Variants in HACD2 observed in about 807,000 individuals in gnomAD.
HACD2 encodes the protein very-long-chain (3R)-3-hydroxyacyl-CoA dehydratase 2.
In HACD2, 15 loss-of-function variants were observed where a neutral mutation model predicts 31.0. The ratio of observed to expected loss-of-function variants is 0.48; its 90% CI spans 0.32 to 0.75. HACD2 has a LOEUF of 0.75. Ranked by LOEUF, HACD2 falls within the 30% of genes least tolerant of loss-of-function variation. The pLI, the probability that HACD2 is intolerant of heterozygous loss-of-function variation, is 0.03. For missense variants in HACD2, 283 were observed against 313.0 expected, an observed-to-expected ratio of 0.90 and a Z score of 0.72; for synonymous variants, 115 against 122.2, an observed-to-expected ratio of 0.94 and a Z score of 0.39.
In HACD2 at chr3:123,563,638, TATATATACACAC is replaced by T. The variant is rs1335331533; in HGVS notation, c.292+4112_292+4123del. Among the ~76,000 whole-genome samples the T allele has an allele frequency of 2.7e-3, 207 of 76,702 alleles. 1 individual carries two copies. In the South Asian group the frequency reaches 0.033, roughly 12 times the overall value. The allele number at this position is 76,702 out of a possible 152,430, so 50.3% of individuals were successfully genotyped here. On this transcript the variant is annotated intron_variant, in intron 3 of 6. Transcript: ENST00000383657. ...CTTCTTTTTTGAATTGACAAAAAAA[TATATATACACAC>T]ACACACACACACACACACACACACA... is the stretch of plus-strand genomic sequence containing the variant.
intron 4 of HACD2, among the ~76,000 whole-genome samples, chr3:123,506,714 T>A (rs2055980093): frequency 6.6e-6 from 1 of 152,100 alleles, no homozygotes; most frequent in Non-Finnish European, 1.5e-5. Flanking sequence ...GGATTACAAG[T>A]GTGAGCCACT....
intron 3 of HACD2, among the ~76,000 whole-genome samples, chr3:123,565,295 TG>T (rs1401319659): frequency 1.3e-5 from 2 of 152,226 alleles, no homozygotes; most frequent in Non-Finnish European, 2.9e-5. Context: ...TACACATGCT[TG>T]GTGCTGTACC....
At chr3:123,576,934 C>T (rs2056913705) in intron 2 of HACD2, among the ~76,000 whole-genome samples, 2 of 152,166 alleles carry the variant, frequency 1.3e-5, no homozygotes, top group Non-Finnish European at 2.9e-5. Flanking sequence ...GTGAGGTCTG[C>T]AGAGTGAGAC....
At chr3:123,549,382 GGC>G in intron 3 of HACD2, among the ~76,000 whole-genome samples, 1 of 152,064 alleles carries the variant, frequency 6.6e-6, no homozygotes, top group African/African-American at 2.4e-5. Context: ...CACTTCTCAA[GGC>G]TACAGTGTGA....
intron 2 of HACD2, among the ~76,000 whole-genome samples, chr3:123,577,091 T>C (rs1204862812): frequency 6.6e-6 from 1 of 152,060 alleles, no homozygotes; most frequent in African/African-American, 2.4e-5. Flanking sequence ...TTCATTTTTG[T>C]AGATAAGGGG....
chr3:123,524,675 G>GT (rs2056257071), intron 4 of HACD2, among the ~76,000 whole-genome samples: 1 of 152,120 alleles, frequency 6.6e-6, no homozygotes, highest in Non-Finnish European at 1.5e-5. Flanking sequence ...AGGTTTTCTT[G>GT]TTTTTTGTTT....
chr3:123,495,029 A>T, intron 6 of HACD2, 59 bp from the exon 7 acceptor site: 1 of 1,053,440 alleles, frequency 9.5e-7, no homozygotes, highest in Admixed American at 2.1e-5. Context: ...TGCTCTATTT[A>T]AAGCATATGA....
chr3:123,539,339 G>A (rs543255171), intron 3 of HACD2, among the ~76,000 whole-genome samples: 2 of 152,276 alleles, frequency 1.3e-5, no homozygotes, highest in East Asian at 3.9e-4. Flanking sequence ...GGAGGCCGAG[G>A]TGGGCAGATC....
intron 3 of HACD2, among the ~76,000 whole-genome samples, chr3:123,531,913 C>T (rs993365633): frequency 7.9e-5 from 12 of 152,216 alleles, no homozygotes; most frequent in Middle Eastern, 3.4e-3. Flanking sequence ...TTACAAATAA[C>T]ACTCAAAATT....
At chr3:123,546,462 A>C (rs930762543) in intron 3 of HACD2, among the ~76,000 whole-genome samples, 5 of 152,218 alleles carry the variant, frequency 3.3e-5, no homozygotes, top group African/African-American at 1.2e-4. Context: ...AACTTGAGGA[A>C]GCCACCTAGC....
At chr3:123,499,580 A>T in intron 6 of HACD2, 1 of 451,768 alleles carries the variant, frequency 2.2e-6, no homozygotes. Flanking sequence ...TCGCTTTGTT[A>T]GGGTGATTCA....
At chr3:123,550,686 G>A (rs151225676) in intron 3 of HACD2, among the ~76,000 whole-genome samples, 1 of 152,258 alleles carries the variant, frequency 6.6e-6, no homozygotes, top group East Asian at 1.9e-4. Context: ...ATGATGAGGT[G>A]GCTTCTGCAC....
At chr3:123,578,560 G>A (rs571037050) in intron 2 of HACD2, among the ~76,000 whole-genome samples, 1 of 152,232 alleles carries the variant, frequency 6.6e-6, no homozygotes, top group East Asian at 1.9e-4. Flanking sequence ...TGTGAGCCAT[G>A]GTACTCAGCC....
At chr3:123,564,694 G>C (rs962738418) in intron 3 of HACD2, among the ~76,000 whole-genome samples, 1 of 152,178 alleles carries the variant, frequency 6.6e-6, no homozygotes, top group African/African-American at 2.4e-5. Context: ...AAGGGACGGA[G>C]AACAGTTATA....
At chr3:123,569,297 A>G (rs760702569) in intron 2 of HACD2, among the ~76,000 whole-genome samples, 6 of 152,206 alleles carry the variant, frequency 3.9e-5, no homozygotes, top group Non-Finnish European at 5.9e-5. Context: ...ACAGATCTAG[A>G]TCAAAATGGG....
chr3:123,510,536 C>T (rs1033768270), intron 4 of HACD2, among the ~76,000 whole-genome samples: 4 of 152,224 alleles, frequency 2.6e-5, no homozygotes, highest in Admixed American at 6.5e-5. Flanking sequence ...GCGTGAGCCA[C>T]CACCGTGCCT....
rs779494708 is a variant in HACD2 at position 123,500,477 on chromosome 3, T to G, written c.682+38A>C. 24 of 1,410,910 alleles carry G rather than the reference T, an allele frequency of 1.7e-5. No individual in the cohort carries two copies. The East Asian group carries it at 5.3e-4, about 31-fold the overall frequency. 87.4% of individuals were successfully genotyped at this position (1,410,910 alleles called of 1,614,324 possible). On this transcript the variant is annotated intron_variant, in intron 6 of 6. Coordinates refer to ENST00000383657, the MANE Select transcript of HACD2 (RefSeq NM_198402.5). ...ATTTAGTTATTGTAGAGCCAAATTT[T>G]AAAACATAATTAAATATACGCATAA...
chr3:123,584,961 C>G lies in HACD2; in HGVS notation c.67G>C (p.Gly23Arg), dbSNP rs1397088165. The part of the protein sequence containing the change: ...NGGGGGRAGA[G>R]DASGTRKKKG... ...TTCTTCCGCGTGCCGCTGGCGTCCC[C>G]GGCCCCGGCCCTGCCACCGCCGCCC... Residue 23 changes from glycine (G) to arginine (R), a missense_variant, in exon 1 of 7, where the codon GGG (glycine) becomes CGG (arginine). Gly to Arg is a moderately radical substitution (Grantham distance 125). This residue lies in a region of HACD2 where 158 missense variants were observed against 148.3 expected (regional missense o/e 1.07). Coordinates refer to ENST00000383657, the MANE Select transcript of HACD2 (RefSeq NM_198402.5). 5 of 1,527,556 alleles carry G rather than the reference C, an allele frequency of 3.3e-6. No homozygotes were observed. The highest frequency in any genetic ancestry group is 4.4e-6 in the Non-Finnish European group (5 of 1,137,616). 94.6% of individuals were successfully genotyped at this position (1,527,556 alleles called of 1,614,324 possible). A position where few individuals can be genotyped will look rare whatever the true frequency, so the allele number is the denominator to read the frequency against.
At chr3:123,569,988 CAAAAAAAAAAAAAAAAAAAAAAAAAAAAA>C (rs55844728) in intron 2 of HACD2, among the ~76,000 whole-genome samples, 3 of 38,658 alleles carry the variant, frequency 7.8e-5, no homozygotes, top group East Asian at 1.1e-3. Context: ...CACTCCATCT[CAAAAAAAAAAAAAAAAAAAAAAAAAAAAA>C]AAAAAAAAAA....
Sources: allele counts gnomAD v4.1 joint callset (sites outside exome capture counted in the v4.1 genomes callset), GRCh38; gene constraint gnomAD v4.1.1; regional missense constraint gnomAD v4.1.1; transcripts MANE v1.5; gene names NCBI Gene and HGNC (gene_info 2026-07-23, HGNC 2026-07-21).